Variants in UTS2B observed in about 807,000 individuals in gnomAD.
UTS2B encodes urotensin 2B.
In UTS2B, 21 loss-of-function variants were observed where a neutral mutation model predicts 19.2. That is an observed-to-expected ratio of 1.09 (90% CI 0.78 to 1.58). The LOEUF is 1.58. Ranked by LOEUF, UTS2B falls within the 40% of genes most tolerant of loss-of-function variation. UTS2B has a pLI of 0.00. For missense variants in UTS2B, 138 were observed against 130.3 expected, an observed-to-expected ratio of 1.06 and a Z score of -0.29; for synonymous variants, 57 against 50.2, an observed-to-expected ratio of 1.14 and a Z score of -0.58.
intron 4 of UTS2B, among the ~76,000 whole-genome samples, chr3:191,292,659 A>G (rs1396138960): frequency 6.6e-6 from 1 of 152,110 alleles, no homozygotes; most frequent in Admixed American, 6.6e-5. Context: ...TTCCTACCTA[A>G]TTGTCCTGGT....
At chr3:191,313,423 T>C (rs975176033) in intron 3 of UTS2B, among the ~76,000 whole-genome samples, 11 of 152,210 alleles carry the variant, frequency 7.2e-5, no homozygotes, top group African/African-American at 2.7e-4. Flanking sequence ...GGACCCAGAT[T>C]CATGGGATGC....
chr3:191,329,130 C>T (rs1717837383), intron 1 of UTS2B: 1 of 155,188 alleles, frequency 6.4e-6, no homozygotes, highest in African/African-American at 2.4e-5. Context: ...TTTGTTGAGG[C>T]CTTTAGGATA....
At chr3:191,297,132 T>C (rs918586515) in intron 4 of UTS2B, among the ~76,000 whole-genome samples, 23 of 152,192 alleles carry the variant, frequency 1.5e-4, no homozygotes, top group African/African-American at 5.3e-4. Flanking sequence ...TGTGTGTGTC[T>C]TTTGGATTTG....
chr3:191,346,113 A>G, the UTS2B span, among the ~76,000 whole-genome samples: 42 of 152,324 alleles, frequency 2.8e-4, no homozygotes, highest in African/African-American at 9.6e-4. Context: ...ATTTGGGACC[A>G]TATGTGGGCT....
intron 8 of UTS2B, among the ~76,000 whole-genome samples, chr3:191,275,044 G>A (rs1716192670): frequency 1.3e-5 from 2 of 152,210 alleles, no homozygotes; most frequent in South Asian, 4.1e-4. Flanking sequence ...AACCTGAGAA[G>A]TGTGAACTTG....
At chr3:191,277,349 C>T (rs1369111048) in intron 6 of UTS2B, among the ~76,000 whole-genome samples, 1 of 151,116 alleles carries the variant, frequency 6.6e-6, no homozygotes, top group Non-Finnish European at 1.5e-5. Flanking sequence ...GTTTAAAAAC[C>T]CTGAATTTTA....
intron 4 of UTS2B, among the ~76,000 whole-genome samples, chr3:191,301,309 C>T (rs1716992579): frequency 6.6e-6 from 1 of 152,126 alleles, no homozygotes; most frequent in African/African-American, 2.4e-5. Flanking sequence ...CCATTTTGCT[C>T]AGTCTTCATT....
At chr3:191,306,942 A>C (rs1717156788) in intron 3 of UTS2B, among the ~76,000 whole-genome samples, 2 of 152,172 alleles carry the variant, frequency 1.3e-5, no homozygotes, top group East Asian at 3.9e-4. Flanking sequence ...AGGAGGGGAA[A>C]TTTTAATGTT....
At chr3:191,330,347 CAG>C (rs923803366) in intron 1 of UTS2B, 65 bp downstream of exon 1, 5 of 152,484 alleles carry the variant, frequency 3.3e-5, no homozygotes, top group Admixed American at 2.6e-4. Flanking sequence ...GCGAGGGGAA[CAG>C]GGGACTGATG....
At chr3:191,290,960 T>G (rs989137425) in intron 4 of UTS2B, among the ~76,000 whole-genome samples, 2 of 152,248 alleles carry the variant, frequency 1.3e-5, no homozygotes, top group Non-Finnish European at 2.9e-5. Context: ...TCTCTCTGAC[T>G]ATTAATTCTT....
the UTS2B span, among the ~76,000 whole-genome samples, chr3:191,340,209 T>G: frequency 6.6e-6 from 1 of 152,232 alleles, no homozygotes; most frequent in Non-Finnish European, 1.5e-5. Context: ...TCAAAGTTCA[T>G]TCACTTGACA....
intron 5 of UTS2B, among the ~76,000 whole-genome samples, chr3:191,281,750 A>G (rs980136632): frequency 6.6e-6 from 1 of 151,384 alleles, no homozygotes; most frequent in African/African-American, 2.4e-5. Context: ...TTGAAATATG[A>G]AGGATGCATT....
rs1560132391 is a variant in UTS2B, at chr3:191,275,293, TA to T, written c.292del (p.Tyr98MetfsTer3). ...LVEEKDSETS[Y>X]AVDGLFSSHP... The stretch of plus-strand genomic sequence containing the variant: ...AGAAGAGAATAGACCATCTACAGCA[TA>T]GGACGTCTCAGAATCCTTCTCCTCC... On this transcript the variant is annotated frameshift_variant, in exon 8 of 9. Coordinates refer to ENST00000340524, the MANE Select transcript of UTS2B (RefSeq NM_198152.5). LOFTEE classifies it high-confidence loss of function. The T allele has an allele frequency of 6.2e-7, 1 of 1,613,914 alleles. No individual in the cohort carries two copies. The highest frequency in any genetic ancestry group is 1.7e-5 in the Admixed American group (1 of 60,008).
the UTS2B span, among the ~76,000 whole-genome samples, chr3:191,340,683 T>C: frequency 4.9e-4 from 74 of 152,358 alleles, no homozygotes; most frequent in Non-Finnish European, 8.4e-4. Flanking sequence ...TTAAACATTT[T>C]AGACATTCTG....
chr3:191,294,280 G>A (rs1041452922), intron 4 of UTS2B, among the ~76,000 whole-genome samples: 1 of 151,940 alleles, frequency 6.6e-6, no homozygotes, highest in East Asian at 1.9e-4. Context: ...ACTGAGCAAG[G>A]ATTCAACTGA....
intron 7 of UTS2B, among the ~76,000 whole-genome samples, chr3:191,276,208 C>A (rs1252969228): frequency 2.0e-5 from 3 of 152,150 alleles, no homozygotes; most frequent in Admixed American, 1.3e-4. Context: ...AGGGTTCAGC[C>A]TGGACCACTC....
chr3:191,332,044 T>G (rs1718005449), upstream of UTS2B, among the ~76,000 whole-genome samples: 2 of 152,194 alleles, frequency 1.3e-5, no homozygotes, highest in African/African-American at 4.8e-5. Context: ...TTTGGTATCA[T>G]GGGGTAGATT....
intron 4 of UTS2B, among the ~76,000 whole-genome samples, chr3:191,300,817 G>A (rs574971916): frequency 6.6e-6 from 1 of 152,318 alleles, no homozygotes; most frequent in African/African-American, 2.4e-5. Flanking sequence ...CATGTAAGAT[G>A]TGCCTGCTTT....
rs113458165 is a variant in UTS2B at position 191,296,119 on chromosome 3, A to G, written c.-125+8373T>C. Among the ~76,000 whole-genome samples, 487 of 152,136 alleles carry G rather than the reference A, an allele frequency of 3.2e-3. 5 individuals carry two copies. Among genetic ancestry groups the G allele is most frequent in the African/African-American group, 0.011 (458 of 41,486 alleles). On this transcript the variant is annotated intron_variant, in intron 4 of 8. Transcript: ENST00000340524. ...ATTACCCGCCTTCACCCACCTCTCA[A>G]TCTCATCTGTATCTGTCTTCCCCTT...
Sources: allele counts gnomAD v4.1 joint callset (sites outside exome capture counted in the v4.1 genomes callset), GRCh38; gene constraint gnomAD v4.1.1; transcripts MANE v1.5; gene names NCBI Gene and HGNC (gene_info 2026-07-23, HGNC 2026-07-21).